The following RUFY3 variants were observed in gnomAD, a reference collection of about 807,000 sequenced individuals.
RUFY3 encodes RUN and FYVE domain containing 3, also known as protein RUFY3.
In RUFY3, 34 loss-of-function variants were observed where a neutral mutation model predicts 84.0. The observed-to-expected ratio is 0.40, with a 90% CI of 0.31 to 0.54. The LOEUF is 0.54. RUFY3 is among the 20% of genes least tolerant of loss of function. The probability of loss-of-function intolerance (pLI) is 0.39; values close to 1 mark genes in which losing one functional copy is unlikely to be tolerated. For synonymous variants in RUFY3, 242 were observed against 252.9 expected, an observed-to-expected ratio of 0.96 and a Z score of 0.41; for missense variants, 507 against 736.8, an observed-to-expected ratio of 0.69 and a Z score of 3.61.
In RUFY3 at chr4:70,763,279, A is replaced by G. The variant is rs748038039; in HGVS notation, c.353-273A>G. The stretch of plus-strand genomic sequence containing the variant: ...GAGCTGTTTTCTTCATTAATACCAC[A>G]CAATTTTAGGCACTAAATTGTTAAA... On this transcript the variant is annotated intron_variant, in intron 2 of 17. Transcript: ENST00000381006. 1.5e-4 allele frequency among the ~76,000 whole-genome samples: 23 copies of G among 151,982 alleles called. No homozygotes were observed. In the South Asian group the frequency reaches 1.9e-3, roughly 12 times the overall value.
chr4:70,798,243 C>T (rs1158187543), intron 14 of RUFY3, among the ~76,000 whole-genome samples: 1 of 151,704 alleles, frequency 6.6e-6, no homozygotes, highest in African/African-American at 2.4e-5. Context: ...GTGGCTCGTG[C>T]CTATAGTCCC....
At chr4:70,794,702 A>G in intron 13 of RUFY3, 93 bp from the exon 14 acceptor site, 1 of 786,646 alleles carries the variant, frequency 1.3e-6, no homozygotes, top group Non-Finnish European at 2.2e-6. Flanking sequence ...ATTCGTAATT[A>G]CTGCACTTTA....
chr4:70,704,585 G>C (rs186219271), upstream of RUFY3: 109 of 183,048 alleles, frequency 6.0e-4, no homozygotes, highest in Admixed American at 3.8e-3. Context: ...TCGGGAGGCA[G>C]TCAGCCCAGC....
intron 10 of RUFY3, among the ~76,000 whole-genome samples, chr4:70,788,226 A>C (rs1730227013): frequency 6.6e-6 from 1 of 151,646 alleles, no homozygotes; most frequent in Non-Finnish European, 1.5e-5. Context: ...TGGAGGTTGC[A>C]GTGAGCCAAG....
In RUFY3 at chr4:70,778,355, TCTC is replaced by T. The variant is rs1560538761; in HGVS notation, c.825-13_825-11del. On this transcript the variant is annotated splice_polypyrimidine_tract_variant and intron_variant, in intron 7 of 17. Coordinates refer to ENST00000381006, the MANE Select transcript of RUFY3 (RefSeq NM_001037442.4). The stretch of plus-strand genomic sequence containing the variant: ...TTTTTCAAAAGTGACTTTTTTTTCT[TCTC>T]TATATTATAGTGCTACTGTAAACAA... The T allele has an allele frequency of 1.3e-6, 2 of 1,494,916 alleles. No individual in the cohort carries two copies. Among genetic ancestry groups the T allele is most frequent in the African/African-American group, 2.8e-5 (2 of 72,060 alleles). 92.6% of individuals were successfully genotyped at this position (1,494,916 alleles called of 1,614,324 possible).
At chr4:70,729,927 T>A (rs1051535125) in intron 1 of RUFY3, among the ~76,000 whole-genome samples, 1 of 139,992 alleles carries the variant, frequency 7.1e-6, no homozygotes, top group Non-Finnish European at 1.5e-5. Flanking sequence ...TGCATTTTTG[T>A]TTCTTTCGTT....
At chr4:70,733,733 A>G (rs1181921976) in intron 1 of RUFY3, among the ~76,000 whole-genome samples, 4 of 152,148 alleles carry the variant, frequency 2.6e-5, no homozygotes, top group Admixed American at 6.5e-5. Flanking sequence ...TATAGTCACA[A>G]TTTTTTTAAG....
At chr4:70,713,620 G>T (rs933088875) in intron 1 of RUFY3, among the ~76,000 whole-genome samples, 4 of 152,172 alleles carry the variant, frequency 2.6e-5, no homozygotes, top group African/African-American at 9.7e-5. Context: ...GGAGAGCCTG[G>T]CAGGCCAAGA....
chr4:70,732,692 G>A (rs1263591646), intron 1 of RUFY3, among the ~76,000 whole-genome samples: 2 of 151,880 alleles, frequency 1.3e-5, no homozygotes, highest in South Asian at 2.1e-4. Flanking sequence ...TCACTCATAA[G>A]TGGGAGTCAA....
intron 1 of RUFY3, among the ~76,000 whole-genome samples, chr4:70,735,445 GAA>G: frequency 6.6e-6 from 1 of 152,278 alleles, no homozygotes; most frequent in East Asian, 1.9e-4. Context: ...GAGGAACAGT[GAA>G]AAAGACTTCT....
At chr4:70,766,780 A>G (rs537419931) in intron 4 of RUFY3, among the ~76,000 whole-genome samples, 3 of 152,258 alleles carry the variant, frequency 2.0e-5, no homozygotes, top group Admixed American at 6.5e-5. Context: ...TTGGTATTGT[A>G]TGTTTTATGG....
At chr4:70,722,873 C>T in intron 1 of RUFY3, 122 bp downstream of exon 1, 1 of 892,232 alleles carries the variant, frequency 1.1e-6, no homozygotes, top group Non-Finnish European at 1.6e-6. Flanking sequence ...TCCTGAAAAC[C>T]TTGCATCCTT....
At chr4:70,721,933 A>G (rs1249597997), upstream of RUFY3, 10 of 1,231,864 alleles carry the variant, frequency 8.1e-6, no homozygotes, top group Non-Finnish European at 1.0e-5. Flanking sequence ...CGTTCAGAGC[A>G]GCTGGTCACA....
At chr4:70,775,312 A>T (rs1177663377) in intron 7 of RUFY3, 79 bp downstream of exon 7, 1 of 944,260 alleles carries the variant, frequency 1.1e-6, no homozygotes, top group East Asian at 2.6e-5. Context: ...CGCAGTGAGG[A>T]TAAATTCAGA....
chr4:70,714,227 G>A (rs1741323951), intron 1 of RUFY3, among the ~76,000 whole-genome samples: 1 of 152,120 alleles, frequency 6.6e-6, no homozygotes, highest in Non-Finnish European at 1.5e-5. Context: ...TCAGGTCCTA[G>A]ATTAGAGGCA....
chr4:70,706,079 G>A (rs2148547710), intron 1 of RUFY3, among the ~76,000 whole-genome samples: 1 of 152,278 alleles, frequency 6.6e-6, no homozygotes, highest in Middle Eastern at 3.4e-3. Flanking sequence ...ACTGTTTACT[G>A]TGCTGGCAAA....
At chr4:70,730,765 A>G (rs1011110524) in intron 1 of RUFY3, among the ~76,000 whole-genome samples, 2 of 152,016 alleles carry the variant, frequency 1.3e-5, no homozygotes, top group Admixed American at 1.3e-4. Context: ...AAAGTAAAAT[A>G]AGCTGACATT....
upstream of RUFY3, among the ~76,000 whole-genome samples, chr4:70,718,115 C>T (rs1377125067): frequency 6.6e-6 from 1 of 152,022 alleles, no homozygotes; most frequent in Non-Finnish European, 1.5e-5. Flanking sequence ...AATCTCCTGA[C>T]CTCGTGATCT....
intron 14 of RUFY3, among the ~76,000 whole-genome samples, chr4:70,795,867 C>G (rs1731438164): frequency 6.6e-6 from 1 of 152,162 alleles, no homozygotes; most frequent in African/African-American, 2.4e-5. Flanking sequence ...CAAATCAGGA[C>G]TGTAAAGTGG....
Sources: allele counts gnomAD v4.1 joint callset (sites outside exome capture counted in the v4.1 genomes callset), GRCh38; gene constraint gnomAD v4.1.1; transcripts MANE v1.5; gene names NCBI Gene and HGNC (gene_info 2026-07-23, HGNC 2026-07-21).